PHYKPL: variants seen among roughly 807,000 people sequenced by gnomAD.
PHYKPL encodes 5-phosphonooxy-L-lysine phospho-lyase.
PHYKPL carries 42 observed loss-of-function variants against 51.3 expected under a neutral mutation model. The ratio of observed to expected loss-of-function variants is 0.82; its 90% CI spans 0.64 to 1.06. The LOEUF (loss-of-function observed/expected upper bound fraction) is 1.06. Among genes scored for constraint, PHYKPL ranks in the 50% least tolerant of loss-of-function variants. PHYKPL has a pLI of 0.00. For synonymous variants in PHYKPL, 264 were observed against 236.0 expected (o/e 1.12, Z -1.09); for missense variants, 655 against 586.6 (o/e 1.12, Z -1.20).
At chr5:178,207,207 T>C (rs773549241), downstream of PHYKPL, 7 of 1,614,088 alleles carry the variant, frequency 4.3e-6, no homozygotes, top group South Asian at 7.7e-5. Context: ...AAAAGTTCCA[T>C]ACTGTCAGTG....
At chr5:178,232,425 C>A in intron 1 of PHYKPL, 67 bp downstream of exon 1, 2 of 1,363,994 alleles carry the variant, frequency 1.5e-6, no homozygotes, top group Non-Finnish European at 1.9e-6. Context: ...TGCGTGCGTG[C>A]GTCGTGCGTG....
intron 3 of PHYKPL, among the ~76,000 whole-genome samples, chr5:178,228,914 C>G (rs879587509): frequency 6.6e-6 from 1 of 152,118 alleles, no homozygotes; most frequent in Non-Finnish European, 1.5e-5. Flanking sequence ...GACAGCTTCC[C>G]CACTTGGCGG....
chr5:178,224,681 C>G lies in PHYKPL; in HGVS notation c.462G>C (p.Lys154Asn), dbSNP rs748497650. ...CCTTCTGGCCATCCAGGTTGCGGAA[C>G]TTGTAGGGACTGATGTCAATCAGGG... Reference protein sequence around the residue: ...LSSLIDISPYKFRNLDGQKEW... With the variant: ...LSSLIDISPYNFRNLDGQKEW... Residue 154 changes from lysine to asparagine, a missense_variant, in exon 5 of 13, where the codon AAG becomes AAC. By Grantham distance (94) the Lys-to-Asn change is moderately conservative. Coordinates refer to ENST00000308158, the MANE Select transcript of PHYKPL (RefSeq NM_153373.4). The G allele has an allele frequency of 6.2e-7, 1 of 1,614,222 alleles. No individual in the cohort carries two copies. The highest frequency in any genetic ancestry group is 1.7e-5 in the Admixed American group (1 of 60,032).
At chr5:178,212,211 C>G (rs1285971532) in intron 11 of PHYKPL, among the ~76,000 whole-genome samples, 2 of 152,234 alleles carry the variant, frequency 1.3e-5, no homozygotes, top group Non-Finnish European at 2.9e-5. Flanking sequence ...CCAGCCTTTG[C>G]TCTCCACAAA....
chr5:178,224,318 T>C (rs1761827219), intron 6 of PHYKPL, 130 bp downstream of exon 6: 1 of 1,028,458 alleles, frequency 9.7e-7, no homozygotes, highest in African/African-American at 1.6e-5. Flanking sequence ...AAACTGCCCC[T>C]ATCCCAGATT....
chr5:178,207,311 A>C (rs1757110435), downstream of PHYKPL: 4 of 1,516,550 alleles, frequency 2.6e-6, no homozygotes, highest in Non-Finnish European at 3.6e-6. Flanking sequence ...GGCCTCATGC[A>C]GGAGCTCTCC....
intron 3 of PHYKPL, chr5:178,228,656 T>C: frequency 1.4e-6 from 1 of 701,206 alleles, no homozygotes; most frequent in Non-Finnish European, 2.6e-6. Flanking sequence ...CTGTACTGTG[T>C]GAGTGGCCAC....
At position 178,213,999 on chromosome 5, in the gene PHYKPL, C is replaced by T. The variant is rs552003607; in HGVS notation, c.1172+797G>A. 9.9e-5 allele frequency among the ~76,000 whole-genome samples: 15 copies of T among 152,284 alleles called. No individual in the cohort carries two copies. In the South Asian group the frequency reaches 2.9e-3, roughly 29 times the overall value. On this transcript the variant is annotated intron_variant, in intron 10 of 12. Coordinates refer to ENST00000308158, the MANE Select transcript of PHYKPL (RefSeq NM_153373.4). ...TTTCCTTCCATGCCACCTGACCATT[C>T]CGAATCCCTGAGGCTCCTGGGAGGG...
intron 8 of PHYKPL, among the ~76,000 whole-genome samples, chr5:178,219,410 TA>T (rs968133965): frequency 1.7e-4 from 23 of 138,054 alleles, no homozygotes; most frequent in East Asian, 1.6e-3. Flanking sequence ...GGTAACTCAA[TA>T]AAAAAAAAAT....
At chr5:178,209,239 A>G (rs1757399890) in intron 12 of PHYKPL, 7 of 1,001,762 alleles carry the variant, frequency 7.0e-6, no homozygotes. Flanking sequence ...GACCTGATCC[A>G]CCATTTGATG....
At chr5:178,211,995 C>T (rs369994687) in intron 11 of PHYKPL, 25 bp from the exon 12 acceptor site, 31 of 1,613,934 alleles carry the variant, frequency 1.9e-5, no homozygotes, top group Middle Eastern at 1.6e-4. Context: ...AAAGCAATGC[C>T]GACTCAGTCA....
chr5:178,219,720 G>A (rs1476416814), intron 8 of PHYKPL, among the ~76,000 whole-genome samples: 3 of 151,942 alleles, frequency 2.0e-5, no homozygotes, highest in Non-Finnish European at 4.4e-5. Context: ...AAAGTGCTGG[G>A]ATTACAGGCG....
chr5:178,228,321 C>A, intron 3 of PHYKPL: 2 of 561,372 alleles, frequency 3.6e-6, no homozygotes, highest in Non-Finnish European at 6.3e-6. Flanking sequence ...GCACAGTGCC[C>A]GGGAAGCAAG....
At chr5:178,219,290 A>G (rs1274825687) in intron 8 of PHYKPL, among the ~76,000 whole-genome samples, 1 of 152,148 alleles carries the variant, frequency 6.6e-6, no homozygotes, top group African/African-American at 2.4e-5. Context: ...CAAATACACA[A>G]TAGACAAGGG....
rs1763734212 is a variant in PHYKPL at position 178,232,485 on chromosome 5, C to A, written c.59+7G>T. ...CGCCCCCCGCCGCCCGCCCCCCGCC[C>A]GGGTACCTGATGAGCCGTTGCCTCA... On this transcript the variant is annotated splice_region_variant and intron_variant, in intron 1 of 12. Coordinates refer to ENST00000308158, the MANE Select transcript of PHYKPL (RefSeq NM_153373.4). 7.3e-7 allele frequency: 1 copy of A among 1,363,858 alleles called. No individual in the cohort carries two copies. The highest frequency in any genetic ancestry group is 3.1e-5 in the East Asian group (1 of 32,406). 84.5% of individuals were successfully genotyped at this position (1,363,858 alleles called of 1,614,324 possible). A position where few individuals can be genotyped will look rare whatever the true frequency, so the allele number is the denominator to read the frequency against.
chr5:178,215,011 G>T, intron 9 of PHYKPL, 126 bp from the exon 10 acceptor site: 1 of 888,532 alleles, frequency 1.1e-6, no homozygotes, highest in Non-Finnish European at 1.7e-6. Flanking sequence ...TCAGAAGGTG[G>T]TGAGAATAGT....
downstream of PHYKPL, among the ~76,000 whole-genome samples, chr5:178,208,275 A>G (rs936309646): frequency 2.0e-5 from 3 of 152,206 alleles, no homozygotes; most frequent in African/African-American, 7.2e-5. Flanking sequence ...GGAAGTCTCT[A>G]TCCTGGCTGG....
Position 178,231,432 on chromosome 5 carries a change from T to G in PHYKPL, c.151A>C (p.Ile51Leu). 1 of 1,614,200 alleles carries G rather than the reference T, an allele frequency of 6.2e-7. No individual in the cohort carries two copies. The highest frequency in any genetic ancestry group is 8.5e-7 in the Non-Finnish European group (1 of 1,180,026). Reference protein sequence around the residue: ...YMYDEQGAEYIDCISNVAHVG... With the variant: ...YMYDEQGAEYLDCISNVAHVG... ...TGCGCCACATTGCTGATGCAATCGA[T>G]GTATTCTGCCCCCTGTTCATCGTAC... The change falls in exon 2 of 13, where the codon ATC becomes CTC. Residue 51 changes from isoleucine (I) to leucine (L), a missense_variant. Ile to Leu is a conservative substitution (Grantham distance 5). Transcript: ENST00000308158.
At chr5:178,228,286 AG>A in intron 3 of PHYKPL, 1 of 514,782 alleles carries the variant, frequency 1.9e-6, no homozygotes, top group South Asian at 2.5e-5. Flanking sequence ...AGGAGTGGCT[AG>A]AGAAGCTGAT....
Sources: gnomAD v4.1 joint callset for allele counts (sites outside exome capture counted in the v4.1 genomes callset) on GRCh38, gnomAD v4.1.1 for gene constraint, MANE v1.5 for transcripts, NCBI Gene and HGNC (gene_info 2026-07-23, HGNC 2026-07-21) for gene names.